KSR1: variants seen among roughly 807,000 people sequenced by gnomAD.
The protein encoded by KSR1 is kinase suppressor of ras 1, also known as kinase suppressor of ras.
Under a neutral mutation model 92.9 loss-of-function variants are expected in KSR1, and 35 were observed. The ratio of observed to expected loss-of-function variants is 0.38; its 90% CI spans 0.29 to 0.50. KSR1 has a LOEUF of 0.50. Ranked by LOEUF, KSR1 falls within the 20% of genes least tolerant of loss-of-function variation. The pLI, the probability that KSR1 is intolerant of heterozygous loss-of-function variation, is 0.94. For synonymous variants in KSR1, 467 were observed against 472.6 expected (o/e 0.99, Z 0.15); for missense variants, 972 against 1,158.5 (o/e 0.84, Z 2.34).
intron 18 of KSR1, among the ~76,000 whole-genome samples, chr17:27,614,605 G>A (rs911875052): frequency 3.9e-5 from 6 of 152,168 alleles, no homozygotes; most frequent in African/African-American, 1.4e-4. Flanking sequence ...CCCCCACAGA[G>A]GTACCAATTA....
At chr17:27,540,005 C>T (rs2070898500) in intron 1 of KSR1, among the ~76,000 whole-genome samples, 1 of 152,366 alleles carries the variant, frequency 6.6e-6, no homozygotes, top group South Asian at 2.1e-4. Flanking sequence ...AAAACTCGGG[C>T]CCTTGGCCAT....
intron 1 of KSR1, among the ~76,000 whole-genome samples, chr17:27,477,754 C>G (rs1470082975): frequency 2.6e-5 from 4 of 151,908 alleles, no homozygotes; most frequent in Non-Finnish European, 5.9e-5. Flanking sequence ...ACTCTGTCAC[C>G]CAGGCTGGAG....
At position 27,555,325 on chromosome 17, in the gene KSR1, G is replaced by A. The variant is rs146685016; in HGVS notation, c.372+4617G>A. ...AGGAAAGAGTTGTCTTTTCTCCTCCGTTTATTTATTCATTCAGTCATTTAT... is the reference window on the plus strand; with the variant it reads ...AGGAAAGAGTTGTCTTTTCTCCTCCATTTATTTATTCATTCAGTCATTTAT... On this transcript the variant is annotated intron_variant, in intron 2 of 20. Transcript: ENST00000644974. Among the ~76,000 whole-genome samples, 16 of 152,238 alleles carry A rather than the reference G, an allele frequency of 1.1e-4. No individual in the cohort carries two copies. In the East Asian group the frequency reaches 2.1e-3, roughly 20 times the overall value.
intron 1 of KSR1, among the ~76,000 whole-genome samples, chr17:27,499,994 C>T (rs1182677652): frequency 6.6e-6 from 1 of 152,220 alleles, no homozygotes; most frequent in African/African-American, 2.4e-5. Context: ...CACATCTGCA[C>T]CAGTGCTGCT....
chr17:27,601,881 C>T (rs1364415324), intron 11 of KSR1: 2 of 1,604,414 alleles, frequency 1.2e-6, no homozygotes, highest in Non-Finnish European at 1.7e-6. Flanking sequence ...CCTTCTGTGC[C>T]TTACCACACA....
rs572693097 is a variant in KSR1 at position 27,536,411 on chromosome 17, C to T, written c.232-14157C>T. 2.0e-5 allele frequency among the ~76,000 whole-genome samples: 3 copies of T among 152,292 alleles called. No individual in the cohort carries two copies. The South Asian group carries it at 6.2e-4, about 32-fold the overall frequency. On this transcript the variant is annotated intron_variant, in intron 1 of 20. Coordinates refer to ENST00000644974, the MANE Select transcript of KSR1 (RefSeq NM_001394583.1). Reference sequence around the variant, plus strand: ...GCTCTAGAATCTTCTCCTTCCTTTACACCCACACTGCCACTAACTAAATTA... The same window carrying T: ...GCTCTAGAATCTTCTCCTTCCTTTATACCCACACTGCCACTAACTAAATTA...
chr17:27,521,579 G>A (rs1009637702), intron 1 of KSR1, among the ~76,000 whole-genome samples: 3 of 152,120 alleles, frequency 2.0e-5, no homozygotes, highest in Admixed American at 6.5e-5. Flanking sequence ...TCACAGACAT[G>A]AGCCACCACG....
rs76515774 is a variant in KSR1 at position 27,582,289 on chromosome 17, C to T, written c.521-357C>T. The stretch of plus-strand genomic sequence containing the variant: ...TAGATTTTGGAGCATTTGCAGTATG[C>T]CTACCTGTTCAGCATTCCCCATCCC... On this transcript the variant is annotated intron_variant, in intron 3 of 20. Coordinates refer to ENST00000644974, the MANE Select transcript of KSR1 (RefSeq NM_001394583.1). Among the ~76,000 whole-genome samples the T allele has an allele frequency of 9.9e-3, 1,512 of 152,254 alleles. 14 individuals carry two copies. Among genetic ancestry groups the T allele is most frequent in the Non-Finnish European group, 0.016 (1,079 of 68,008 alleles).
At chr17:27,591,302 C>T (rs1331236515) in intron 7 of KSR1, among the ~76,000 whole-genome samples, 1 of 152,166 alleles carries the variant, frequency 6.6e-6, no homozygotes, top group Non-Finnish European at 1.5e-5. Context: ...AGATTCTGTA[C>T]AAGTCCAACT....
intron 1 of KSR1, among the ~76,000 whole-genome samples, chr17:27,520,056 T>A (rs2069959320): frequency 6.6e-6 from 1 of 152,226 alleles, no homozygotes; most frequent in African/African-American, 2.4e-5. Flanking sequence ...GTAGCTGATG[T>A]CAGGCCCTTT....
At chr17:27,528,774 G>A (rs527864945) in intron 1 of KSR1, among the ~76,000 whole-genome samples, 2 of 152,234 alleles carry the variant, frequency 1.3e-5, no homozygotes, top group East Asian at 3.9e-4. Context: ...GTATAGTGGT[G>A]TTCACCTGTA....
intron 1 of KSR1, among the ~76,000 whole-genome samples, chr17:27,516,502 A>G (rs1329760984): frequency 1.3e-5 from 2 of 152,090 alleles, no homozygotes; most frequent in East Asian, 3.9e-4. Flanking sequence ...GATAGTGCAG[A>G]GTAGAGTCTC....
intron 1 of KSR1, among the ~76,000 whole-genome samples, chr17:27,522,087 T>C (rs1264615037): frequency 6.6e-6 from 1 of 152,194 alleles, no homozygotes; most frequent in Admixed American, 6.5e-5. Context: ...CACTGGTACC[T>C]GGCCAGAGCA....
chr17:27,546,777 A>T (rs1223331952), intron 1 of KSR1, among the ~76,000 whole-genome samples: 1 of 152,118 alleles, frequency 6.6e-6, no homozygotes, highest in Non-Finnish European at 1.5e-5. Context: ...GATAGGGCAC[A>T]TGAGTGCATC....
At chr17:27,477,896 A>G (rs1597844867) in intron 1 of KSR1, among the ~76,000 whole-genome samples, 1 of 152,068 alleles carries the variant, frequency 6.6e-6, no homozygotes, top group East Asian at 1.9e-4. Flanking sequence ...TATTTTTTGT[A>G]AAGATGAGGT....
intron 1 of KSR1, among the ~76,000 whole-genome samples, chr17:27,497,853 T>G (rs1238354458): frequency 6.6e-6 from 1 of 152,096 alleles, no homozygotes; most frequent in Non-Finnish European, 1.5e-5. Flanking sequence ...CAGGAGTGAC[T>G]GAGAAAGAGA....
chr17:27,586,607 C>T (rs749220570), intron 5 of KSR1, among the ~76,000 whole-genome samples: 1 of 152,168 alleles, frequency 6.6e-6, no homozygotes, highest in Non-Finnish European at 1.5e-5. Context: ...ATTCAACACC[C>T]CCATCTCTAG....
intron 1 of KSR1, among the ~76,000 whole-genome samples, chr17:27,502,500 C>T (rs145350905): frequency 1.3e-5 from 2 of 152,300 alleles, no homozygotes; most frequent in East Asian, 1.9e-4. Flanking sequence ...AATTTAAAAT[C>T]GACTCCATCC....
intron 1 of KSR1, among the ~76,000 whole-genome samples, chr17:27,469,470 C>T (rs184650870): frequency 1.2e-4 from 18 of 152,166 alleles, no homozygotes; most frequent in Admixed American, 9.8e-4. Flanking sequence ...GCATTGAGGG[C>T]GCCAGGATGT....
Sources: allele counts gnomAD v4.1 joint callset (sites outside exome capture counted in the v4.1 genomes callset), GRCh38; gene constraint gnomAD v4.1.1; transcripts MANE v1.5; gene names NCBI Gene and HGNC (gene_info 2026-07-23, HGNC 2026-07-21).